Variants in IGF2BP1 observed in about 807,000 individuals in gnomAD.
IGF2BP1 encodes insulin-like growth factor 2 mRNA-binding protein 1.
Under a neutral mutation model 74.9 loss-of-function variants are expected in IGF2BP1, and 11 were observed. That is an observed-to-expected ratio of 0.15 (90% CI 0.09 to 0.24). The LOEUF is 0.24. Ranked by LOEUF, IGF2BP1 falls within the 10% of genes least tolerant of loss-of-function variation. The pLI, the probability that IGF2BP1 is intolerant of heterozygous loss-of-function variation, is 1.00. For synonymous variants in IGF2BP1, 287 were observed against 281.8 expected (o/e 1.02, Z -0.18); for missense variants, 440 against 757.4 (o/e 0.58, Z 4.92).
chr17:49,045,176 T>C, intron 12 of IGF2BP1, 111 bp downstream of exon 12: 1 of 837,056 alleles, frequency 1.2e-6, no homozygotes, highest in South Asian at 1.5e-5. Context: ...CAAGTCCTCA[T>C]CACATCTTTA....
chr17:49,015,404 C>G (rs963348022), intron 2 of IGF2BP1, among the ~76,000 whole-genome samples: 1 of 152,178 alleles, frequency 6.6e-6, no homozygotes. Flanking sequence ...TTCCCTCGGT[C>G]GGAGCTTAGT....
intron 2 of IGF2BP1, among the ~76,000 whole-genome samples, chr17:49,020,484 C>CAGA (rs1387868435): frequency 2.6e-5 from 4 of 152,220 alleles, no homozygotes; most frequent in African/African-American, 9.6e-5. Flanking sequence ...AGTATCTTGT[C>CAGA]TAAGTCACAC....
intron 2 of IGF2BP1, among the ~76,000 whole-genome samples, chr17:49,014,435 A>G (rs2041666172): frequency 6.6e-6 from 1 of 151,540 alleles, no homozygotes; most frequent in African/African-American, 2.4e-5. Flanking sequence ...CCTCCTGGCC[A>G]AGGATAGGCG....
intron 5 of IGF2BP1, among the ~76,000 whole-genome samples, chr17:49,035,291 A>T (rs911809945): frequency 5.9e-5 from 9 of 152,230 alleles, no homozygotes; most frequent in Non-Finnish European, 1.3e-4. Flanking sequence ...TGAACACACA[A>T]ATTAATTCAA....
chr17:49,046,227 T>C, intron 13 of IGF2BP1, 33 bp from the exon 14 acceptor site: 1 of 1,582,806 alleles, frequency 6.3e-7, no homozygotes, highest in South Asian at 1.1e-5. Context: ...GCTTTCTTGA[T>C]GGCACCCTGA....
chr17:49,031,548 A>G (rs1165771691), intron 4 of IGF2BP1, among the ~76,000 whole-genome samples: 1 of 147,744 alleles, frequency 6.8e-6, no homozygotes, highest in Non-Finnish European at 1.5e-5. Flanking sequence ...CCAGGTTCGG[A>G]GTGCAGTGGC....
upstream of IGF2BP1, chr17:48,997,360 T>A (rs1372341047): frequency 6.7e-6 from 1 of 149,980 alleles, no homozygotes; most frequent in African/African-American, 2.6e-5. This position sits in a 1 kb window ranked among gnomAD's most constrained non-coding sequence, Gnocchi z 4.8. Flanking sequence ...ACGTGGCTTC[T>A]CCTTTTTTTT....
At chr17:49,046,206 A>G (rs539598297) in intron 13 of IGF2BP1, 54 bp from the exon 14 acceptor site, 2 of 1,525,178 alleles carry the variant, frequency 1.3e-6, no homozygotes, top group East Asian at 2.3e-5. Flanking sequence ...CCTCCCTCCA[A>G]CCCCACCCAT....
chr17:49,033,113 T>A (rs1229853404), intron 5 of IGF2BP1, among the ~76,000 whole-genome samples: 1 of 152,112 alleles, frequency 6.6e-6, no homozygotes, highest in Non-Finnish European at 1.5e-5. Context: ...CGCCTGCCCT[T>A]TGTTACCTCG....
chr17:49,040,296 A>G (rs1025002960), intron 7 of IGF2BP1, among the ~76,000 whole-genome samples: 5 of 152,132 alleles, frequency 3.3e-5, no homozygotes, highest in South Asian at 4.2e-4. Flanking sequence ...GCTCACTGCA[A>G]CCTCTGCCTC....
chr17:49,045,825 T>G, intron 12 of IGF2BP1, 65 bp from the exon 13 acceptor site: 1 of 1,551,248 alleles, frequency 6.4e-7, no homozygotes, highest in Non-Finnish European at 8.8e-7. Flanking sequence ...AGCTTCCTTT[T>G]TCCCACTTTT....
At chr17:49,002,251 T>C (rs1388406802) in intron 2 of IGF2BP1, among the ~76,000 whole-genome samples, 2 of 152,152 alleles carry the variant, frequency 1.3e-5, no homozygotes, top group African/African-American at 4.8e-5. Context: ...TGTCCAAATT[T>C]TACAGTTTAA....
intron 2 of IGF2BP1, among the ~76,000 whole-genome samples, chr17:49,019,942 A>ATATATATATATATT (rs2041764899): frequency 1.8e-5 from 1 of 55,242 alleles, no homozygotes; most frequent in African/African-American, 9.8e-5. Flanking sequence ...ATATATATAT[A>ATATATATATATATT]TATATATTTA....
At chr17:49,043,800 C>T (rs567378518) in intron 10 of IGF2BP1, among the ~76,000 whole-genome samples, 167 bp from the exon 11 acceptor site, 1 of 152,306 alleles carries the variant, frequency 6.6e-6, no homozygotes, top group African/African-American at 2.4e-5. Flanking sequence ...CCCTTTAGCC[C>T]TACTGGGCAT....
At chr17:49,019,489 A>G (rs1470459577) in intron 2 of IGF2BP1, among the ~76,000 whole-genome samples, 3 of 152,172 alleles carry the variant, frequency 2.0e-5, no homozygotes, top group Admixed American at 2.0e-4. Flanking sequence ...TATTATGGAA[A>G]GAAATATAAA....
At chr17:49,018,080 A>G (rs2041731205) in intron 2 of IGF2BP1, 1 of 152,268 alleles carries the variant, frequency 6.6e-6, no homozygotes. Flanking sequence ...TAAAGTTACA[A>G]AATTAAAAAT....
rs1258327881 is a variant in IGF2BP1, at chr17:49,050,624, A to ATCTC, written c.*1180_*1181insTCTC. On this transcript the variant is annotated 3_prime_UTR_variant, in exon 15 of 15. Coordinates refer to ENST00000290341, the MANE Select transcript of IGF2BP1 (RefSeq NM_006546.4). The stretch of plus-strand genomic sequence containing the variant: ...ATCTGGCAAATTCAGTAAATTGGAG[A>ATCTC]GTACTTGCTTCTGTTTGTATCTGAG... 5.3e-5 allele frequency: 8 copies of ATCTC among 152,198 alleles called. No homozygotes were observed. Among genetic ancestry groups the ATCTC allele is most frequent in the African/African-American group, 1.9e-4 (8 of 41,438 alleles). The allele number at this position is 152,198 out of a possible 1,614,324, so 9.4% of individuals were successfully genotyped here. A position where few individuals can be genotyped will look rare whatever the true frequency, so the allele number is the denominator to read the frequency against.
At position 49,050,520 on chromosome 17, in the gene IGF2BP1, A is replaced by C. The variant is rs1380362145; in HGVS notation, c.*1076A>C. 6.6e-6 allele frequency: 1 copy of C among 152,004 alleles called. No individual in the cohort carries two copies. The highest frequency in any genetic ancestry group is 1.5e-5 in the Non-Finnish European group (1 of 67,990). The allele number at this position is 152,004 out of a possible 1,614,324, so 9.4% of individuals were successfully genotyped here. ...TTCCTAGAGGCAGGGGTTGTGGGGCACTCCCAGCCACGGCACTGTTACCTT... is the reference window on the plus strand; with the variant it reads ...TTCCTAGAGGCAGGGGTTGTGGGGCCCTCCCAGCCACGGCACTGTTACCTT... On this transcript the variant is annotated 3_prime_UTR_variant, in exon 15 of 15. Coordinates refer to ENST00000290341, the MANE Select transcript of IGF2BP1 (RefSeq NM_006546.4).
At chr17:49,015,043 C>T (rs1057285774) in intron 2 of IGF2BP1, 4 of 620,724 alleles carry the variant, frequency 6.4e-6, no homozygotes, top group Middle Eastern at 7.9e-4. Context: ...TGTGTCCTGT[C>T]GCCCAGGCTG....
Sources: allele counts gnomAD v4.1 joint callset (sites outside exome capture counted in the v4.1 genomes callset), GRCh38; gene constraint gnomAD v4.1.1; non-coding constraint Gnocchi (gnomAD v3.1); transcripts MANE v1.5; gene names NCBI Gene and HGNC (gene_info 2026-07-23, HGNC 2026-07-21).